The following SEPTIN9 variants were observed in gnomAD, a reference collection of about 807,000 sequenced individuals.
The protein encoded by SEPTIN9 is septin-9.
Under a neutral mutation model 56.6 loss-of-function variants are expected in SEPTIN9, and 13 were observed. That is an observed-to-expected ratio of 0.23 (90% CI 0.15 to 0.37). The LOEUF (loss-of-function observed/expected upper bound fraction) is 0.37. Among genes scored for constraint, SEPTIN9 ranks in the 10% least tolerant of loss-of-function variants. The pLI is 1.00. For missense variants in SEPTIN9, 650 were observed against 823.1 expected (o/e 0.79, Z 2.57); for synonymous variants, 332 against 334.1 (o/e 0.99, Z 0.07).
At chr17:77,289,733 T>C (rs1567975545) in intron 1 of SEPTIN9, among the ~76,000 whole-genome samples, 1 of 152,212 alleles carries the variant, frequency 6.6e-6, no homozygotes, top group East Asian at 1.9e-4. Context: ...TATTATTTAA[T>C]TTTTTAAGGA....
intron 2 of SEPTIN9, among the ~76,000 whole-genome samples, chr17:77,357,678 A>G (rs540310089): frequency 4.0e-5 from 6 of 151,888 alleles, no homozygotes; most frequent in Non-Finnish European, 8.8e-5. Context: ...GCGGTGGTGC[A>G]GTCATAGCAC....
intron 3 of SEPTIN9, among the ~76,000 whole-genome samples, chr17:77,467,190 A>C (rs1485962314): frequency 6.6e-6 from 1 of 152,214 alleles, no homozygotes; most frequent in Non-Finnish European, 1.5e-5. Flanking sequence ...CTGGTGTCTC[A>C]GAAGATGCTA....
At chr17:77,486,807 G>A (rs985640400) in intron 4 of SEPTIN9, among the ~76,000 whole-genome samples, 5 of 152,272 alleles carry the variant, frequency 3.3e-5, no homozygotes, top group African/African-American at 4.8e-5. Flanking sequence ...GCAGGCCAGC[G>A]CCCCCTAGCA....
chr17:77,380,316 T>G, intron 2 of SEPTIN9: 1 of 42,384 alleles, frequency 2.4e-5, no homozygotes, highest in Non-Finnish European at 5.8e-5. Flanking sequence ...CTCCAGGGGA[T>G]TGCCCGTGGC....
chr17:77,443,984 G>A (rs2037643744), intron 3 of SEPTIN9, among the ~76,000 whole-genome samples: 2 of 152,094 alleles, frequency 1.3e-5, no homozygotes, highest in South Asian at 4.1e-4. Context: ...AGGCAAAGGT[G>A]AATAAGAGTC....
rs370161206 is a variant in SEPTIN9, at chr17:77,498,587, C to T, written c.1690C>T (p.Arg564Cys). 5 of 1,606,138 alleles carry T rather than the reference C, an allele frequency of 3.1e-6. No individual in the cohort carries two copies. The highest frequency in any genetic ancestry group is 4.2e-6 in the Non-Finnish European group (5 of 1,177,142). ...CCACTTCGAGGCGTACCGTGTGAAG[C>T]GCCTCAACGAGGGCAGCAGCGCCAT... ...SIHFEAYRVK[R>C]LNEGSSAMAN... The change falls in exon 12 of 12, where the codon CGC becomes TGC. Residue 564 changes from arginine (R) to cysteine (C), a missense_variant. Coordinates refer to ENST00000427177, the MANE Select transcript of SEPTIN9 (RefSeq NM_001113491.2).
intron 2 of SEPTIN9, among the ~76,000 whole-genome samples, chr17:77,340,102 T>C (rs575090165): frequency 4.7e-4 from 72 of 152,078 alleles, no homozygotes; most frequent in African/African-American, 1.6e-3. Context: ...ATGCTGGGAT[T>C]ACAGCTGTGA....
intron 3 of SEPTIN9, among the ~76,000 whole-genome samples, chr17:77,458,205 A>G (rs1443052394): frequency 6.6e-6 from 1 of 151,860 alleles, no homozygotes; most frequent in East Asian, 1.9e-4. Flanking sequence ...TCCTGCCCTC[A>G]CTCATTCAGC....
intron 3 of SEPTIN9, among the ~76,000 whole-genome samples, chr17:77,443,807 G>GAAAA (rs945068039): frequency 6.6e-6 from 1 of 150,678 alleles, no homozygotes; most frequent in Non-Finnish European, 1.5e-5. Context: ...CAAAAAAAAA[G>GAAAA]AAAAAAAAGA....
At chr17:77,289,040 C>T (rs1294591664) in intron 1 of SEPTIN9, among the ~76,000 whole-genome samples, 3 of 152,156 alleles carry the variant, frequency 2.0e-5, no homozygotes, top group African/African-American at 4.8e-5. Flanking sequence ...TGGGGGTTAA[C>T]GCTTTAACTG....
chr17:77,479,890 C>G (rs541893895), intron 3 of SEPTIN9, among the ~76,000 whole-genome samples: 7 of 152,192 alleles, frequency 4.6e-5, no homozygotes, highest in Non-Finnish European at 8.8e-5. Context: ...AACTGCTGCC[C>G]CGCAAGGCAA....
At chr17:77,298,080 C>T (rs187120718) in intron 1 of SEPTIN9, among the ~76,000 whole-genome samples, 149 of 152,322 alleles carry the variant, frequency 9.8e-4, no homozygotes, top group African/African-American at 3.3e-3. Context: ...GGAGGACCCT[C>T]CCTCCAAAGC....
chr17:77,323,442 G>C lies in SEPTIN9; in HGVS notation c.76+16245G>C, dbSNP rs988025096. Reference sequence around the variant, plus strand: ...TCCACTGGGGAGCTCTGTTGGGCTGGGAGGCTAGGAACAGGCCACGAGGGA... The same window carrying C: ...TCCACTGGGGAGCTCTGTTGGGCTGCGAGGCTAGGAACAGGCCACGAGGGA... On this transcript the variant is annotated intron_variant, in intron 2 of 11. Coordinates refer to ENST00000427177, the MANE Select transcript of SEPTIN9 (RefSeq NM_001113491.2). This position sits in a 1 kb window ranked among gnomAD's most constrained non-coding sequence, Gnocchi z 6.8. 6.6e-6 allele frequency among the ~76,000 whole-genome samples: 1 copy of C among 152,208 alleles called. No individual in the cohort carries two copies. The highest frequency in any genetic ancestry group is 2.4e-5 in the African/African-American group (1 of 41,440).
At chr17:77,478,970 T>C (rs1365570706) in intron 3 of SEPTIN9, among the ~76,000 whole-genome samples, 1 of 152,150 alleles carries the variant, frequency 6.6e-6, no homozygotes, top group African/African-American at 2.4e-5. Context: ...ACCAGGTCCG[T>C]AGAGTAGTCA....
chr17:77,338,672 G>T (rs961667478), intron 2 of SEPTIN9, among the ~76,000 whole-genome samples: 4 of 152,278 alleles, frequency 2.6e-5, no homozygotes, highest in Non-Finnish European at 5.9e-5. Context: ...ACCTGCCTTG[G>T]CCTCCCAAAG....
At chr17:77,419,891 T>C (rs567781029) in intron 3 of SEPTIN9, 1 of 152,386 alleles carries the variant, frequency 6.6e-6, no homozygotes, top group South Asian at 2.1e-4. Context: ...GTAACTTCAT[T>C]GGGCTGGGTG....
intron 3 of SEPTIN9, among the ~76,000 whole-genome samples, chr17:77,471,487 A>T (rs1014393293): frequency 2.0e-5 from 3 of 152,264 alleles, no homozygotes; most frequent in African/African-American, 7.2e-5. Flanking sequence ...AGATGATTTC[A>T]TAAGTTGGGG....
intron 2 of SEPTIN9, among the ~76,000 whole-genome samples, chr17:77,311,044 A>G (rs2032471758): frequency 6.6e-6 from 1 of 152,070 alleles, no homozygotes; most frequent in Non-Finnish European, 1.5e-5. Context: ...GTAAGTAGTT[A>G]AGGATCTTGA....
At chr17:77,440,458 G>A (rs748776962) in intron 3 of SEPTIN9, among the ~76,000 whole-genome samples, 10 of 152,162 alleles carry the variant, frequency 6.6e-5, no homozygotes, top group East Asian at 1.9e-4. Context: ...CCTGGCTTTC[G>A]TATATCTATA....
Sources: allele counts gnomAD v4.1 joint callset (sites outside exome capture counted in the v4.1 genomes callset), GRCh38; gene constraint gnomAD v4.1.1; non-coding constraint Gnocchi (gnomAD v3.1); transcripts MANE v1.5; gene names NCBI Gene and HGNC (gene_info 2026-07-23, HGNC 2026-07-21).